Variants in RAP1GAP2 observed in about 807,000 individuals in gnomAD.
RAP1GAP2 encodes the protein RAP1 GTPase activating protein 2, also known as rap1 GTPase-activating protein 2.
Under a neutral mutation model 95.0 loss-of-function variants are expected in RAP1GAP2, and 27 were observed. The observed-to-expected ratio is 0.28, with a 90% CI of 0.21 to 0.39. The LOEUF is 0.39. RAP1GAP2 is among the 10% of genes least tolerant of loss of function. The pLI is 1.00. For missense variants in RAP1GAP2, 771 were observed against 970.0 expected (o/e 0.79, Z 2.72); for synonymous variants, 373 against 380.9 (o/e 0.98, Z 0.24).
intron 2 of RAP1GAP2, among the ~76,000 whole-genome samples, chr17:2,899,360 C>G (rs1355827019): frequency 6.6e-6 from 1 of 151,738 alleles, no homozygotes; most frequent in Non-Finnish European, 1.5e-5. Context: ...GTGCTCGCCA[C>G]CACACCTGGC....
chr17:2,851,062 A>C lies in RAP1GAP2; in HGVS notation c.80+50512A>C, dbSNP rs937728202. Among the ~76,000 whole-genome samples the C allele has an allele frequency of 9.4e-5, 13 of 138,306 alleles. No homozygotes were observed. The East Asian group carries it at 1.0e-3, about 11-fold the overall frequency. The allele number at this position is 138,306 out of a possible 152,430, so 90.7% of individuals were successfully genotyped here. On this transcript the variant is annotated intron_variant, in intron 2 of 24. Transcript: ENST00000254695. ...GCGACGAGCAAAACAACGTCTCAAG[A>C]AAAAAAAAAAAAAAAGTGAAAAAGT...
At chr17:2,858,681 G>C (rs1375062752) in intron 2 of RAP1GAP2, among the ~76,000 whole-genome samples, 1 of 152,148 alleles carries the variant, frequency 6.6e-6, no homozygotes, top group Non-Finnish European at 1.5e-5. Context: ...GCCAAGGTGG[G>C]AGGATCACCA....
intron 1 of RAP1GAP2, among the ~76,000 whole-genome samples, chr17:2,781,154 G>A (rs1045181833): frequency 6.6e-6 from 1 of 152,208 alleles, no homozygotes; most frequent in African/African-American, 2.4e-5. Context: ...AGGGCCAGCT[G>A]GTTCCCACTC....
At chr17:3,006,087 C>A in intron 16 of RAP1GAP2, 46 bp downstream of exon 16, 2 of 1,395,860 alleles carry the variant, frequency 1.4e-6, no homozygotes, top group Non-Finnish European at 2.0e-6. Context: ...TGCTGGGCCA[C>A]CTGTTAGCCA....
Position 2,825,108 on chromosome 17 carries a change from G to A in RAP1GAP2, c.80+24558G>A, listed in dbSNP as rs1392526913. The stretch of plus-strand genomic sequence containing the variant: ...ACCACACCTGGCTAATTTTTAAAAT[G>A]TTTCTTATAGAGATGGGGTCTTGCT... On this transcript the variant is annotated intron_variant, in intron 2 of 24. Transcript: ENST00000254695. This position sits in a 1 kb window ranked among gnomAD's most constrained non-coding sequence, Gnocchi z 4.1. Among the ~76,000 whole-genome samples the A allele has an allele frequency of 6.6e-6, 1 of 152,060 alleles. No homozygotes were observed. Among genetic ancestry groups the A allele is most frequent in the Non-Finnish European group, 1.5e-5 (1 of 68,018 alleles).
intron 4 of RAP1GAP2, chr17:2,962,467 G>A: frequency 1.8e-6 from 1 of 553,386 alleles, no homozygotes; most frequent in Non-Finnish European, 3.1e-6. Flanking sequence ...TCAAGTCTAT[G>A]CTGTTAGCCC....
chr17:2,926,076 G>T (rs1332360677), intron 3 of RAP1GAP2, among the ~76,000 whole-genome samples: 1 of 149,196 alleles, frequency 6.7e-6, no homozygotes, highest in Non-Finnish European at 1.5e-5. Flanking sequence ...GGAGGCAGAG[G>T]TTGCAGTGAG....
intron 4 of RAP1GAP2, among the ~76,000 whole-genome samples, chr17:2,959,174 C>T (rs929885924): frequency 2.0e-5 from 3 of 152,170 alleles, no homozygotes; most frequent in Non-Finnish European, 4.4e-5. Flanking sequence ...CTCAGATCCT[C>T]TCTTCCTTCT....
At chr17:2,939,912 C>T (rs534207881) in intron 3 of RAP1GAP2, among the ~76,000 whole-genome samples, 9 of 152,374 alleles carry the variant, frequency 5.9e-5, no homozygotes, top group East Asian at 5.8e-4. Context: ...CAGCTTCGGG[C>T]GGACACCCGA....
Position 2,954,569 on chromosome 17 carries a change from CTTATTTATTTAT to C in RAP1GAP2, c.166-3171_166-3160del, listed in dbSNP as rs142139752. Reference sequence around the variant, plus strand: ...CATCCATTTGGTTCACATATCAGTACTTATTTATTTATTTATTTATTTATTTATTTTACTTAT... The same window carrying C: ...CATCCATTTGGTTCACATATCAGTACTTATTTATTTATTTATTTTACTTAT... On this transcript the variant is annotated intron_variant, in intron 3 of 24. Coordinates refer to ENST00000254695, the MANE Select transcript of RAP1GAP2 (RefSeq NM_015085.5). 5.3e-5 allele frequency among the ~76,000 whole-genome samples: 8 copies of C among 150,800 alleles called. No homozygotes were observed. In the South Asian group the frequency reaches 1.1e-3, roughly 20 times the overall value.
upstream of RAP1GAP2, among the ~76,000 whole-genome samples, chr17:2,794,322 C>A (rs1273637641): frequency 1.3e-5 from 2 of 152,126 alleles, no homozygotes; most frequent in African/African-American, 2.4e-5. Flanking sequence ...CCACTCCTGA[C>A]CCTGGAGGTG....
intron 3 of RAP1GAP2, among the ~76,000 whole-genome samples, chr17:2,936,719 C>G (rs938701671): frequency 6.6e-6 from 1 of 152,108 alleles, no homozygotes; most frequent in African/African-American, 2.4e-5. Context: ...GCCCTGACTT[C>G]CTTTTTACCT....
intron 3 of RAP1GAP2, among the ~76,000 whole-genome samples, chr17:2,919,045 C>T (rs1322316274): frequency 6.6e-6 from 1 of 152,102 alleles, no homozygotes; most frequent in African/African-American, 2.4e-5. Context: ...TCAGGACGCC[C>T]TGATTTCTGC....
Position 2,906,496 on chromosome 17 carries a change from T to C in RAP1GAP2, c.165+1128T>C, listed in dbSNP as rs1275294583. 1.3e-5 allele frequency among the ~76,000 whole-genome samples: 2 copies of C among 152,208 alleles called. No individual in the cohort carries two copies. Among genetic ancestry groups the C allele is most frequent in the East Asian group, 3.9e-4 (2 of 5,170 alleles). On this transcript the variant is annotated intron_variant, in intron 3 of 24. Transcript: ENST00000254695. The surrounding 1 kb of genome is among the most constrained non-coding windows in gnomAD (Gnocchi z 4.3). Reference sequence around the variant, plus strand: ...GGGGGGGCAGGACAGGGTGCAGGGCTGACCAAGGAGAGCTGTGCTGTCTTC... The same window carrying C: ...GGGGGGGCAGGACAGGGTGCAGGGCCGACCAAGGAGAGCTGTGCTGTCTTC...
At chr17:2,879,412 G>A (rs868475869) in intron 2 of RAP1GAP2, among the ~76,000 whole-genome samples, 2 of 150,768 alleles carry the variant, frequency 1.3e-5, no homozygotes, top group East Asian at 2.0e-4. Context: ...CACTGCGCCC[G>A]GCCACAAAGC....
At chr17:2,861,032 G>A (rs1004454128) in intron 2 of RAP1GAP2, among the ~76,000 whole-genome samples, 13 of 152,038 alleles carry the variant, frequency 8.6e-5, no homozygotes, top group Non-Finnish European at 1.8e-4. Context: ...ATTCTGTTGC[G>A]GAGGCCTCCT....
intron 3 of RAP1GAP2, among the ~76,000 whole-genome samples, chr17:2,943,059 A>T (rs563041989): frequency 1.3e-5 from 2 of 152,108 alleles, no homozygotes; most frequent in Non-Finnish European, 2.9e-5. Flanking sequence ...GTGAACCACC[A>T]CACCTGACCT....
intron 3 of RAP1GAP2, among the ~76,000 whole-genome samples, chr17:2,951,802 G>A (rs536794072): frequency 6.6e-6 from 1 of 152,282 alleles, no homozygotes; most frequent in Admixed American, 6.5e-5. Flanking sequence ...GGGAGGCCGA[G>A]GCAGGCGGAT....
chr17:2,845,331 C>T (rs903118958), intron 2 of RAP1GAP2, among the ~76,000 whole-genome samples: 9 of 152,006 alleles, frequency 5.9e-5, no homozygotes, highest in African/African-American at 1.4e-4. Flanking sequence ...TTACTAGAGA[C>T]GGGGTTTCAC....
Sources: allele counts gnomAD v4.1 joint callset (sites outside exome capture counted in the v4.1 genomes callset), GRCh38; gene constraint gnomAD v4.1.1; non-coding constraint Gnocchi (gnomAD v3.1); transcripts MANE v1.5; gene names NCBI Gene and HGNC (gene_info 2026-07-23, HGNC 2026-07-21).